Variants in SERPINB6 observed in about 807,000 individuals in gnomAD.
SERPINB6 encodes serpin family B member 6, also known as serpin B6.
In SERPINB6, 16 loss-of-function variants were observed where a neutral mutation model predicts 26.1. The ratio of observed to expected loss-of-function variants is 0.61; its 90% CI spans 0.42 to 0.93. The LOEUF is 0.93. Among genes scored for constraint, SERPINB6 ranks in the 40% least tolerant of loss-of-function variants. SERPINB6 has a pLI of 0.00. For missense variants in SERPINB6, 420 were observed against 478.0 expected (o/e 0.88, Z 1.13); for synonymous variants, 174 against 176.6 (o/e 0.99, Z 0.11).
intron 5 of SERPINB6, among the ~76,000 whole-genome samples, chr6:2,949,823 G>T (rs1769575771): frequency 6.6e-6 from 1 of 152,146 alleles, no homozygotes; most frequent in South Asian, 2.1e-4. Context: ...GCCTGGAATT[G>T]TGATAAGAGC....
intron 2 of SERPINB6, chr6:2,955,875 G>C (rs1349103693): frequency 5.7e-6 from 3 of 526,874 alleles, no homozygotes; most frequent in East Asian, 6.9e-5. Context: ...TCAGGAGTTC[G>C]AGATCAGCCT....
chr6:2,958,617 C>T (rs547440125), intron 2 of SERPINB6, among the ~76,000 whole-genome samples: 44 of 152,262 alleles, frequency 2.9e-4, no homozygotes, highest in African/African-American at 1.1e-3. Context: ...CGCTGAGCCC[C>T]CGCTGACGCA....
At chr6:2,958,330 C>T (rs1731432236) in intron 2 of SERPINB6, among the ~76,000 whole-genome samples, 1 of 152,170 alleles carries the variant, frequency 6.6e-6, no homozygotes, top group South Asian at 2.1e-4. Context: ...GAGGGCAGAC[C>T]ACAGCAGTCA....
intron 5 of SERPINB6, among the ~76,000 whole-genome samples, chr6:2,952,632 C>T (rs1769939987): frequency 6.6e-6 from 1 of 152,258 alleles, no homozygotes; most frequent in East Asian, 1.9e-4. Context: ...AGAGAGTCCT[C>T]CCTGCTCAGC....
chr6:2,955,189 CAAAAAAAAAAAAACA>C (rs1770296278), intron 3 of SERPINB6: 2 of 176,074 alleles, frequency 1.1e-5, no homozygotes, highest in East Asian at 2.9e-4. Context: ...GATTCTGTCT[CAAAAAAAAAAAAACA>C]AAAAAAAAAA....
chr6:2,966,395 C>G, intron 1 of SERPINB6: 1 of 987,148 alleles, frequency 1.0e-6, no homozygotes. Flanking sequence ...TCCAAACACA[C>G]TTACTTTATA....
In SERPINB6 at chr6:2,959,148, T is replaced by C. The variant is rs370144516; in HGVS notation, c.165+20A>G. 5 of 1,614,020 alleles carry C rather than the reference T, an allele frequency of 3.1e-6. No homozygotes were observed. The highest frequency in any genetic ancestry group is 1.3e-5 in the African/African-American group (1 of 74,934). On this transcript the variant is annotated intron_variant, in intron 2 of 6. Transcript: ENST00000380539. The stretch of plus-strand genomic sequence containing the variant: ...GCTAACTTGACAGTTAATAGCACCA[T>C]GGCTGCCCTGAAGCTGTACCTGGGC...
chr6:2,960,196 T>C (rs1770936335), intron 1 of SERPINB6: 1 of 152,792 alleles, frequency 6.5e-6, no homozygotes, highest in Admixed American at 6.5e-5. Context: ...AGCTGGGGTA[T>C]CTTCAGGCAA....
intron 1 of SERPINB6, chr6:2,970,309 ATACT>A: frequency 2.0e-6 from 2 of 986,864 alleles, no homozygotes; most frequent in Non-Finnish European, 2.4e-6. Flanking sequence ...TTAACTTAAA[ATACT>A]TAGTTTACAT....
upstream of SERPINB6, chr6:2,971,650 C>G (rs2113382339): frequency 6.6e-6 from 1 of 152,218 alleles, no homozygotes; most frequent in South Asian, 2.1e-4. Flanking sequence ...GTCGCCCGTC[C>G]GGAGCGCGAA....
chr6:2,971,335 T>A, intron 1 of SERPINB6, 198 bp downstream of exon 1: 1 of 275,816 alleles, frequency 3.6e-6, no homozygotes. Flanking sequence ...CCGCTGGGAC[T>A]GCTGGGGTCA....
At chr6:2,951,768 T>G (rs1326658997) in intron 5 of SERPINB6, among the ~76,000 whole-genome samples, 1 of 152,186 alleles carries the variant, frequency 6.6e-6, no homozygotes, top group Non-Finnish European at 1.5e-5. Flanking sequence ...TCAGAAAGCA[T>G]GACGGGATTC....
intron 4 of SERPINB6, 58 bp from the exon 5 acceptor site, chr6:2,953,244 T>C: frequency 6.2e-7 from 1 of 1,611,546 alleles, no homozygotes; most frequent in Non-Finnish European, 8.5e-7. Context: ...CCCCGACACA[T>C]CAGGAATCGG....
chr6:2,955,016 C>T, intron 3 of SERPINB6: 1 of 341,204 alleles, frequency 2.9e-6, no homozygotes, highest in Non-Finnish European at 5.5e-6. Context: ...ATGGCGAAAG[C>T]CCGTCTCTAC....
intron 2 of SERPINB6, chr6:2,956,058 G>T (rs1351207401): frequency 2.6e-5 from 5 of 195,628 alleles, no homozygotes; most frequent in Middle Eastern, 4.4e-3. Context: ...CCTGGCGACA[G>T]AGTGAGACTC....
intron 1 of SERPINB6, chr6:2,963,372 T>C (rs1771324236): frequency 1.3e-5 from 2 of 152,130 alleles, no homozygotes; most frequent in Non-Finnish European, 2.9e-5. Flanking sequence ...AGCAAAGAAA[T>C]CGGGCCTTAG....
chr6:2,955,474 C>A (rs1770348531), intron 3 of SERPINB6, 50 bp downstream of exon 3: 1 of 1,613,302 alleles, frequency 6.2e-7, no homozygotes, highest in Non-Finnish European at 8.5e-7. Flanking sequence ...CCAGCCCCCA[C>A]TACCTGGCCA....
rs34187484 is a variant in SERPINB6, at chr6:2,956,821, CAA to C, written c.166-1153_166-1152del. ...GGGCAACAAGAGCAAAACTCTGTCT[CAA>C]AAAAAAAAAAAAATCGAGGTTTCAG... On this transcript the variant is annotated intron_variant, in intron 2 of 6. Transcript: ENST00000380539. 5.9e-3 allele frequency: 848 copies of C among 143,216 alleles called. 6 individuals carry two copies. The highest frequency in any genetic ancestry group is 0.02 in the African/African-American group (792 of 39,042). 8.9% of individuals were successfully genotyped at this position (143,216 alleles called of 1,614,324 possible).
intron 1 of SERPINB6, chr6:2,970,636 G>A: frequency 8.2e-7 from 1 of 1,213,546 alleles, no homozygotes; most frequent in Non-Finnish European, 1.0e-6. Context: ...GGACTCAGAT[G>A]CCCCCTCGCA....
Sources: gnomAD v4.1 joint callset for allele counts (sites outside exome capture counted in the v4.1 genomes callset) on GRCh38, gnomAD v4.1.1 for gene constraint, MANE v1.5 for transcripts, NCBI Gene and HGNC (gene_info 2026-07-23, HGNC 2026-07-21) for gene names.